Variants in GRM8 observed in about 807,000 individuals in gnomAD.
The protein encoded by GRM8 is glutamate metabotropic receptor 8.
A neutral mutation model predicts 87.2 loss-of-function variants in GRM8; 47 were observed. That is an observed-to-expected ratio of 0.54 (90% CI 0.43 to 0.69). The LOEUF (loss-of-function observed/expected upper bound fraction) is 0.69. Ranked by LOEUF, GRM8 falls within the 30% of genes least tolerant of loss-of-function variation. The pLI is 0.00. For missense variants in GRM8, 1,019 were observed against 1,139.2 expected (o/e 0.89, Z 1.52); for synonymous variants, 396 against 404.5 (o/e 0.98, Z 0.25).
At chr7:127,035,662 A>G (rs528164199) in intron 3 of GRM8, among the ~76,000 whole-genome samples, 1 of 152,348 alleles carries the variant, frequency 6.6e-6, no homozygotes, top group Non-Finnish European at 1.5e-5. Context: ...AGTGTGAGAA[A>G]TCAGTCAATG....
At chr7:126,541,453 T>C (rs923550434) in intron 8 of GRM8, among the ~76,000 whole-genome samples, 2 of 152,158 alleles carry the variant, frequency 1.3e-5, no homozygotes, top group Non-Finnish European at 2.9e-5. Context: ...ATGAAGGGCC[T>C]TGTGAGCCAT....
At chr7:127,190,661 T>C (rs1437972537) in intron 2 of GRM8, among the ~76,000 whole-genome samples, 1 of 152,146 alleles carries the variant, frequency 6.6e-6, no homozygotes. Flanking sequence ...ACCCCAGGTA[T>C]ATTTACATAA....
chr7:126,717,008 A>T (rs992156991), intron 7 of GRM8, among the ~76,000 whole-genome samples: 1 of 152,184 alleles, frequency 6.6e-6, no homozygotes, highest in African/African-American at 2.4e-5. Flanking sequence ...ATGATGGTAA[A>T]GAGCCTAAAA....
chr7:126,990,807 C>T, intron 3 of GRM8, among the ~76,000 whole-genome samples: 1 of 152,162 alleles, frequency 6.6e-6, no homozygotes, highest in Non-Finnish European at 1.5e-5. Flanking sequence ...TGGCACAAAG[C>T]ATTTCTCTCA....
chr7:126,685,176 C>T lies in GRM8; in HGVS notation c.1358-75678G>A, dbSNP rs185230031. ...CTATGGGGAGTTCATGGGGAAGAGGCGAATAGTCCCTAGAGACTTCCCCTG... is the reference window on the plus strand; with the variant it reads ...CTATGGGGAGTTCATGGGGAAGAGGTGAATAGTCCCTAGAGACTTCCCCTG... On this transcript the variant is annotated intron_variant, in intron 7 of 10. Transcript: ENST00000339582. This position sits in a 1 kb window ranked among gnomAD's most constrained non-coding sequence, Gnocchi z 4.2. Among the ~76,000 whole-genome samples the T allele has an allele frequency of 3.3e-4, 50 of 152,322 alleles. 2 individuals are homozygous for T. The East Asian group carries it at 6.2e-3, about 19-fold the overall frequency.
At chr7:127,036,868 G>C (rs1366045112) in intron 3 of GRM8, among the ~76,000 whole-genome samples, 3 of 152,130 alleles carry the variant, frequency 2.0e-5, no homozygotes, top group African/African-American at 7.2e-5. Flanking sequence ...TTTTTGGTTA[G>C]AGCTAAATTT....
intron 2 of GRM8, among the ~76,000 whole-genome samples, chr7:127,223,896 T>A (rs1374961375): frequency 4.2e-4 from 55 of 132,134 alleles, no homozygotes; most frequent in Admixed American, 7.4e-4. Context: ...GGGACTGAAA[T>A]ATATTATAAA....
At chr7:127,087,162 C>T (rs1823594904) in intron 3 of GRM8, among the ~76,000 whole-genome samples, 1 of 152,174 alleles carries the variant, frequency 6.6e-6, no homozygotes, top group Admixed American at 6.5e-5. Context: ...GAAAAAGGAG[C>T]AGCAGAGAAG....
chr7:127,118,160 T>C (rs1826813564), intron 2 of GRM8: 1 of 152,208 alleles, frequency 6.6e-6, no homozygotes, highest in African/African-American at 2.4e-5. Context: ...GTTAGTAAAC[T>C]TAGTAGATTA....
intron 3 of GRM8, among the ~76,000 whole-genome samples, chr7:127,048,682 T>C (rs1819176724): frequency 6.6e-6 from 1 of 152,216 alleles, no homozygotes; most frequent in Admixed American, 6.5e-5. Flanking sequence ...GAGCTGGTTT[T>C]AAACCTAGAG....
At chr7:127,016,431 T>C (rs2132170165) in intron 3 of GRM8, among the ~76,000 whole-genome samples, 1 of 152,152 alleles carries the variant, frequency 6.6e-6, no homozygotes, top group Admixed American at 6.5e-5. Flanking sequence ...CATAATCAAA[T>C]TGATGCTTGA....
At chr7:126,473,147 C>A (rs1175826102) in intron 9 of GRM8, among the ~76,000 whole-genome samples, 1 of 152,184 alleles carries the variant, frequency 6.6e-6, no homozygotes, top group East Asian at 1.9e-4. Context: ...AAGAGGGCCA[C>A]TGTCCTCCAG....
chr7:126,834,378 T>C (rs1021191458), intron 6 of GRM8, among the ~76,000 whole-genome samples: 1 of 152,298 alleles, frequency 6.6e-6, no homozygotes, highest in Non-Finnish European at 1.5e-5. Context: ...AAAGAGGGCC[T>C]CTCCCTTACA....
At chr7:127,205,398 T>C (rs1334824659) in intron 2 of GRM8, among the ~76,000 whole-genome samples, 1 of 152,184 alleles carries the variant, frequency 6.6e-6, no homozygotes, top group Non-Finnish European at 1.5e-5. Flanking sequence ...GACTCGGGCT[T>C]TCTTTGAAGC....
intron 3 of GRM8, among the ~76,000 whole-genome samples, chr7:127,051,231 T>C (rs957290585): frequency 3.3e-5 from 5 of 152,176 alleles, no homozygotes; most frequent in African/African-American, 1.2e-4. Context: ...GAATCAGAAA[T>C]TCAGGGAGTG....
intron 9 of GRM8, among the ~76,000 whole-genome samples, chr7:126,513,858 T>C (rs1811775561): frequency 1.3e-5 from 2 of 152,112 alleles, no homozygotes; most frequent in Non-Finnish European, 2.9e-5. Flanking sequence ...TAATCAGAGG[T>C]GTATACTACC....
intron 3 of GRM8, among the ~76,000 whole-genome samples, chr7:127,051,765 A>AT (rs1819513085): frequency 2.2e-5 from 3 of 138,146 alleles, no homozygotes; most frequent in African/African-American, 7.8e-5. Flanking sequence ...AAAAAAAAAA[A>AT]GCAGGTTATA....
At chr7:126,580,617 T>C (rs951546711) in intron 8 of GRM8, among the ~76,000 whole-genome samples, 1 of 152,170 alleles carries the variant, frequency 6.6e-6, no homozygotes, top group Non-Finnish European at 1.5e-5. Flanking sequence ...ATATATATGC[T>C]TTTGAATTTT....
rs564404495 is a variant in GRM8 at position 126,650,674 on chromosome 7, T to C, written c.1358-41176A>G. On this transcript the variant is annotated intron_variant, in intron 7 of 10. Transcript: ENST00000339582. ...GAAGAGTTATGTGAATAGACCTCTC[T>C]GAGTGGTCAAAAACTCTGAAGATAT... Among the ~76,000 whole-genome samples the C allele has an allele frequency of 3.9e-5, 6 of 152,132 alleles. No homozygotes were observed. The South Asian group carries it at 1.0e-3, about 26-fold the overall frequency.
Sources: gnomAD v4.1 joint callset for allele counts (sites outside exome capture counted in the v4.1 genomes callset) on GRCh38, gnomAD v4.1.1 for gene constraint, Gnocchi (gnomAD v3.1) non-coding constraint, MANE v1.5 for transcripts, NCBI Gene and HGNC (gene_info 2026-07-23, HGNC 2026-07-21) for gene names.